The following GLIS3 variants were observed in gnomAD, a reference collection of about 807,000 sequenced individuals.
GLIS3 encodes the protein GLIS family zinc finger 3.
A neutral mutation model predicts 78.6 loss-of-function variants in GLIS3; 53 were observed. The observed-to-expected ratio is 0.67, with a 90% CI of 0.54 to 0.85. The LOEUF is 0.85. Ranked by LOEUF, GLIS3 falls within the 40% of genes least tolerant of loss-of-function variation. The pLI is 0.00. For missense variants in GLIS3, 1,703 were observed against 1,231.1 expected (o/e 1.38, Z -5.74); for synonymous variants, 684 against 509.9 (o/e 1.34, Z -4.60).
chr9:4,396,087 A>C, the GLIS3 span, among the ~76,000 whole-genome samples: 1 of 149,516 alleles, frequency 6.7e-6, no homozygotes. Context: ...ACCATTTTCT[A>C]TTGAATAACA....
At chr9:4,106,465 C>T (rs1830759933) in intron 4 of GLIS3, among the ~76,000 whole-genome samples, 1 of 152,164 alleles carries the variant, frequency 6.6e-6, no homozygotes. Flanking sequence ...TACAATTTGT[C>T]ATCCTTGGGG....
intron 4 of GLIS3, among the ~76,000 whole-genome samples, chr9:3,989,316 C>A (rs1461768552): frequency 1.3e-5 from 2 of 152,160 alleles, no homozygotes; most frequent in African/African-American, 4.8e-5. Flanking sequence ...TAAAAAGGTA[C>A]AGGCACTCTG....
At chr9:4,001,388 G>A (rs1001786605) in intron 4 of GLIS3, among the ~76,000 whole-genome samples, 7 of 152,086 alleles carry the variant, frequency 4.6e-5, no homozygotes, top group Non-Finnish European at 8.8e-5. Context: ...TTATCTTAAT[G>A]GGTGTATTTT....
At chr9:4,393,005 C>G in the GLIS3 span, among the ~76,000 whole-genome samples, 3 of 151,954 alleles carry the variant, frequency 2.0e-5, no homozygotes, top group Non-Finnish European at 2.9e-5. Flanking sequence ...ACCCGATCCC[C>G]CAATCCCACT....
intron 2 of GLIS3, among the ~76,000 whole-genome samples, chr9:4,178,335 G>A (rs893680626): frequency 6.6e-5 from 10 of 152,092 alleles, no homozygotes; most frequent in Non-Finnish European, 1.5e-4. Context: ...ATCCTGCAAA[G>A]GAGGGTGGAA....
chr9:4,457,866 T>A, the GLIS3 span, among the ~76,000 whole-genome samples: 2 of 136,266 alleles, frequency 1.5e-5, no homozygotes, highest in Non-Finnish European at 1.6e-5. Flanking sequence ...AAAAAAAAAA[T>A]TGCAGAAACT....
intron 9 of GLIS3, among the ~76,000 whole-genome samples, chr9:3,850,443 CTG>C (rs1439930798): frequency 6.6e-6 from 1 of 152,236 alleles, no homozygotes; most frequent in Non-Finnish European, 1.5e-5. Flanking sequence ...CTAGGAAAGA[CTG>C]TATGTGAACA....
chr9:4,091,844 T>C (rs1186819889), intron 4 of GLIS3, among the ~76,000 whole-genome samples: 2 of 152,120 alleles, frequency 1.3e-5, no homozygotes, highest in Admixed American at 1.3e-4. Context: ...AATAATACAG[T>C]AAGTATCTGT....
chr9:3,942,691 G>A (rs1014736353), intron 4 of GLIS3, among the ~76,000 whole-genome samples: 11 of 152,184 alleles, frequency 7.2e-5, no homozygotes, highest in South Asian at 2.1e-4. Flanking sequence ...TAGGAGACTC[G>A]TTAAAACACA....
At chr9:4,404,808 C>G in the GLIS3 span, among the ~76,000 whole-genome samples, 1 of 151,846 alleles carries the variant, frequency 6.6e-6, no homozygotes, top group Admixed American at 6.6e-5. Flanking sequence ...TCTTAAAGAA[C>G]TAGACAAGCA....
rs1825843728 is a variant in GLIS3 at position 4,264,923 on chromosome 9, G to T, written c.388+21115C>A. Among the ~76,000 whole-genome samples, 3 of 152,088 alleles carry T rather than the reference G, an allele frequency of 2.0e-5. No individual in the cohort carries two copies. The South Asian group carries it at 6.2e-4, about 32-fold the overall frequency. On this transcript the variant is annotated intron_variant, in intron 2 of 10. Transcript: ENST00000381971. Reference sequence around the variant, plus strand: ...GGCTCACGCCTGTAATCCCAGCACGGTGGGATGCCCAGGTGGGTGGATCAC... The same window carrying T: ...GGCTCACGCCTGTAATCCCAGCACGTTGGGATGCCCAGGTGGGTGGATCAC...
At chr9:4,260,391 C>G (rs1351474998) in intron 2 of GLIS3, among the ~76,000 whole-genome samples, 1 of 152,000 alleles carries the variant, frequency 6.6e-6, no homozygotes, top group Admixed American at 6.6e-5. Flanking sequence ...ATGGTGAAAC[C>G]CCAACTCTAC....
At chr9:4,121,762 CAT>C (rs1186622840) in intron 3 of GLIS3, among the ~76,000 whole-genome samples, 2 of 152,136 alleles carry the variant, frequency 1.3e-5, no homozygotes, top group African/African-American at 2.4e-5. Context: ...TTGTATCCCA[CAT>C]GTCACCCACA....
At chr9:4,386,529 GC>G in the GLIS3 span, 1 of 151,942 alleles carries the variant, frequency 6.6e-6, no homozygotes, top group Non-Finnish European at 1.5e-5. Flanking sequence ...CAGATTCTTG[GC>G]GTGTTGAACA....
the GLIS3 span, among the ~76,000 whole-genome samples, chr9:4,402,337 C>A: frequency 2.0e-5 from 3 of 152,176 alleles, no homozygotes; most frequent in African/African-American, 7.2e-5. Flanking sequence ...ACCTGGAAAG[C>A]CTTCCCAAGA....
chr9:4,080,778 T>C (rs1207791734), intron 4 of GLIS3, among the ~76,000 whole-genome samples: 1 of 152,090 alleles, frequency 6.6e-6, no homozygotes, highest in Non-Finnish European at 1.5e-5. Flanking sequence ...ACATTACAAA[T>C]ATCAAAGAAA....
the GLIS3 span, among the ~76,000 whole-genome samples, chr9:4,432,895 C>T: frequency 6.6e-6 from 1 of 152,060 alleles, no homozygotes; most frequent in Non-Finnish European, 1.5e-5. Flanking sequence ...CCCGCCTCAT[C>T]CTCCCATCCC....
At chr9:4,045,528 T>A (rs1825175900) in intron 4 of GLIS3, among the ~76,000 whole-genome samples, 1 of 150,774 alleles carries the variant, frequency 6.6e-6, no homozygotes. Context: ...AAGGTAGAGA[T>A]GGGTTTCACC....
In GLIS3 at chr9:4,270,770, G is replaced by C. The variant is rs12336470; in HGVS notation, c.388+15268C>G. ...TCTGCCTTCAGCCTCAGGCTGGAAC[G>C]ATACCAATGGCTCTCCCAGGTCTCC... is the stretch of plus-strand genomic sequence containing the variant. On this transcript the variant is annotated intron_variant, in intron 2 of 10. Transcript: ENST00000381971. 7.6e-3 allele frequency among the ~76,000 whole-genome samples: 1,156 copies of C among 152,302 alleles called. 23 individuals carry two copies. Among genetic ancestry groups the C allele is most frequent in the African/African-American group, 0.026 (1,096 of 41,558 alleles).
Sources: allele counts gnomAD v4.1 joint callset (sites outside exome capture counted in the v4.1 genomes callset), GRCh38; gene constraint gnomAD v4.1.1; transcripts MANE v1.5; gene names NCBI Gene and HGNC (gene_info 2026-07-23, HGNC 2026-07-21).